ZNF658: variants seen among roughly 807,000 people sequenced by gnomAD.
ZNF658 encodes the protein zinc finger protein 658.
ZNF658 carries 46 observed loss-of-function variants against 78.0 expected under a neutral mutation model. The ratio of observed to expected loss-of-function variants is 0.59; its 90% CI spans 0.47 to 0.75. The LOEUF (loss-of-function observed/expected upper bound fraction) is 0.75. Among genes scored for constraint, ZNF658 ranks in the 30% least tolerant of loss-of-function variants. The pLI is 0.00. For missense variants in ZNF658, 785 were observed against 1,189.3 expected (o/e 0.66, Z 5.00); for synonymous variants, 279 against 408.4 (o/e 0.68, Z 3.82).
Position 66,900,848 on chromosome 9 carries a change from G to A in ZNF658, c.-45+12G>A, listed in dbSNP as rs1452988041. The A allele has an allele frequency of 6.6e-6, 1 of 152,196 alleles. No homozygotes were observed. Among genetic ancestry groups the A allele is most frequent in the African/African-American group, 2.4e-5 (1 of 41,450 alleles). 9.4% of individuals were successfully genotyped at this position (152,196 alleles called of 1,614,324 possible). A position where few individuals can be genotyped will look rare whatever the true frequency, so the allele number is the denominator to read the frequency against. ...GCTGCGCACCTGGGGTGAGAGCGTC[G>A]GTGACAGGGCTCCGCGCGGCCCAGG... On this transcript the variant is annotated intron_variant, in intron 1 of 4. Transcript: ENST00000621410.
In ZNF658 at chr9:66,908,285, G is replaced by A. The variant is rs1232064951; in HGVS notation, c.63G>A (p.Glu21=). ...QDVTVEFTRE[E]WQHLGPVERT... ...TGACTGTGGAATTCACCCGGGAGGA[G>A]TGGCAGCACCTGGGCCCTGTCGAGA... The change falls in exon 3 of 5, where the codon GAG becomes GAA. Residue 21 remains glutamate (E), a synonymous_variant. Transcript: ENST00000621410. 9.9e-6 allele frequency: 16 copies of A among 1,614,104 alleles called. No homozygotes were observed. Among genetic ancestry groups the A allele is most frequent in the Non-Finnish European group, 1.3e-5 (15 of 1,180,012 alleles).
intron 3 of ZNF658, 24 bp from the exon 4 acceptor site, chr9:66,908,615 C>T (rs1822136988): frequency 6.4e-7 from 1 of 1,562,920 alleles, no homozygotes; most frequent in Admixed American, 2.1e-5. Flanking sequence ...TGAATCTGGT[C>T]CATGTCAATT....
intron 2 of ZNF658, among the ~76,000 whole-genome samples, chr9:66,905,169 G>C (rs1253145182): frequency 1.5e-5 from 2 of 131,296 alleles, no homozygotes; most frequent in African/African-American, 5.7e-5. Context: ...TCCACCTTCC[G>C]GGTTCAAGCA....
chr9:66,912,188 A>T (rs1465152461), intron 4 of ZNF658, among the ~76,000 whole-genome samples: 1 of 118,912 alleles, frequency 8.4e-6, no homozygotes, highest in East Asian at 2.1e-4. Flanking sequence ...GACATCTTAG[A>T]TAGATGACAC....
chr9:66,927,171 A>G (rs1822593776), intron 6 of ZNF658, among the ~76,000 whole-genome samples: 1 of 152,032 alleles, frequency 6.6e-6, no homozygotes, highest in Non-Finnish European at 1.5e-5. Flanking sequence ...AGTAGATAAA[A>G]CTAACAATCT....
intron 4 of ZNF658, among the ~76,000 whole-genome samples, chr9:66,911,312 C>T (rs77793194): frequency 0.67 from 37,958 of 57,038 alleles, 14,059 homozygotes; most frequent in East Asian, 0.84. Context: ...TTGGTAAATC[C>T]AGAAATTAAT....
In ZNF658 at chr9:66,918,089, C is replaced by G. The variant is rs767590151; in HGVS notation, c.523C>G (p.Leu175Val). Residue 175 changes from leucine (L) to valine (V), a missense_variant, in exon 5 of 5, where the codon CTT (leucine) becomes GTT (valine). By Grantham distance (32) the Leu-to-Val change is conservative. This residue lies in a region of ZNF658 where 393 missense variants were observed against 400.2 expected (regional missense o/e 0.98). Transcript: ENST00000621410. ...CATGAATGTGTGTGAGAAACTGCAG[C>G]TTGATATTAAGCATGAGAAAGCTCA... ...EYMNVCEKLQ[L>V]DIKHEKAHAE... The G allele has an allele frequency of 1.1e-5, 17 of 1,593,012 alleles. 1 individual carries two copies. The highest frequency in any genetic ancestry group is 1.3e-5 in the Non-Finnish European group (15 of 1,173,154).
rs1587370400 is a variant in ZNF658 at position 66,921,018 on chromosome 9, G to C, written c.*272G>C. 11 of 503,416 alleles carry C rather than the reference G, an allele frequency of 2.2e-5. No individual in the cohort carries two copies. The East Asian group carries it at 3.7e-4, about 17-fold the overall frequency. 31.2% of individuals were successfully genotyped at this position (503,416 alleles called of 1,614,324 possible). On this transcript the variant is annotated 3_prime_UTR_variant, in exon 5 of 5. Transcript: ENST00000621410. Reference sequence around the variant, plus strand: ...TGGAGGTTATTTCTGCAGCAAACTTGGGTCCTGTGTGTTCAAAACCATAGA... The same window carrying C: ...TGGAGGTTATTTCTGCAGCAAACTTCGGTCCTGTGTGTTCAAAACCATAGA...
At chr9:66,915,090 C>T (rs1352999771) in intron 4 of ZNF658, among the ~76,000 whole-genome samples, 1 of 145,340 alleles carries the variant, frequency 6.9e-6, no homozygotes, top group Non-Finnish European at 1.5e-5. Flanking sequence ...CACACACACA[C>T]ACATACACAT....
chr9:66,921,697 A>G (rs1225408565), downstream of ZNF658, among the ~76,000 whole-genome samples: 1 of 151,788 alleles, frequency 6.6e-6, no homozygotes, highest in Non-Finnish European at 1.5e-5. Flanking sequence ...TTGCTGCCTG[A>G]TCCTTCCTCT....
rs1383793379 is a variant in ZNF658 at position 66,919,473 on chromosome 9, G to C, written c.1907G>C (p.Gly636Ala). Residue 636 changes from glycine (G) to alanine (A), a missense_variant, in exon 5 of 5, where the codon GGA (glycine) becomes GCA (alanine). Coordinates refer to ENST00000621410, the MANE Select transcript of ZNF658 (RefSeq NM_033160.7). ...AAACCTTATGAATGTAATGAATGTG[G>C]AAGGTCTTTTGCCCATATTTCTGTT... is the stretch of plus-strand genomic sequence containing the variant. ...GEKPYECNEC[G>A]RSFAHISVLK... 6.4e-7 allele frequency: 1 copy of C among 1,573,452 alleles called. No homozygotes were observed. Among genetic ancestry groups the C allele is most frequent in the African/African-American group, 1.5e-5 (1 of 66,696 alleles).
rs1436216039 is a variant in ZNF658 at position 66,918,304 on chromosome 9, T to A, written c.738T>A (p.Asp246Glu). ...CAGGAGAAAAGTCCTGTAAGGATGA[T>A]GAATTTAGAAAAAACTTTGATAAAA... Reference protein sequence around the residue: ...FLTGEKSCKDDEFRKNFDKIT... With the variant: ...FLTGEKSCKDEEFRKNFDKIT... Residue 246 changes from aspartate to glutamate, a missense_variant, in exon 5 of 5, where the codon GAT (aspartate) becomes GAA (glutamate). Asp to Glu is a conservative substitution (Grantham distance 45). Around this residue, in one of 12 missense-constraint regions of ZNF658, gnomAD observed 393 missense variants for 400.2 expected, o/e 0.98. Coordinates refer to ENST00000621410, the MANE Select transcript of ZNF658 (RefSeq NM_033160.7). The A allele has an allele frequency of 1.2e-6, 2 of 1,613,746 alleles. No homozygotes were observed. The highest frequency in any genetic ancestry group is 2.7e-5 in the African/African-American group (2 of 74,894).
intron 6 of ZNF658, among the ~76,000 whole-genome samples, chr9:66,929,087 C>T (rs576547065): frequency 6.6e-6 from 1 of 152,162 alleles, no homozygotes; most frequent in Non-Finnish European, 1.5e-5. Flanking sequence ...GATAGCTAAA[C>T]TTGCCCAAAA....
downstream of ZNF658, among the ~76,000 whole-genome samples, chr9:66,925,814 G>C (rs1210148932): frequency 6.6e-6 from 1 of 151,362 alleles, no homozygotes; most frequent in Non-Finnish European, 1.5e-5. Context: ...CTATGTCCCT[G>C]ATTAATATAG....
chr9:66,908,777 T>A (rs1822144479), intron 4 of ZNF658, 43 bp downstream of exon 4: 1 of 1,579,392 alleles, frequency 6.3e-7, no homozygotes, highest in Admixed American at 1.9e-5. Context: ...GGGTACTTAG[T>A]CTTTAGAGGG....
intron 4 of ZNF658, among the ~76,000 whole-genome samples, chr9:66,917,359 T>C (rs993015545): frequency 4.7e-5 from 7 of 147,692 alleles, no homozygotes; most frequent in Non-Finnish European, 7.4e-5. Flanking sequence ...AGAGTCTGTC[T>C]GTGTGCATGA....
Position 66,918,093 on chromosome 9 carries a change from A to C in ZNF658, c.527A>C (p.Asp176Ala), listed in dbSNP as rs1043390637. ...AATGTGTGTGAGAAACTGCAGCTTGATATTAAGCATGAGAAAGCTCATGCT... is the reference window on the plus strand; with the variant it reads ...AATGTGTGTGAGAAACTGCAGCTTGCTATTAAGCATGAGAAAGCTCATGCT... The part of the protein sequence containing the change: ...YMNVCEKLQL[D>A]IKHEKAHAEE... Residue 176 changes from aspartate (D) to alanine (A), a missense_variant, in exon 5 of 5, where the codon GAT becomes GCT. By Grantham distance (126) the Asp-to-Ala change is moderately radical. Around this residue, in one of 12 missense-constraint regions of ZNF658, gnomAD observed 393 missense variants for 400.2 expected, o/e 0.98. Coordinates refer to ENST00000621410, the MANE Select transcript of ZNF658 (RefSeq NM_033160.7). 22 of 1,592,078 alleles carry C rather than the reference A, an allele frequency of 1.4e-5. No homozygotes were observed. Among genetic ancestry groups the C allele is most frequent in the Non-Finnish European group, 1.9e-5 (22 of 1,172,820 alleles).
chr9:66,908,631 G>A lies in ZNF658; in HGVS notation c.143-8G>A. The A allele has an allele frequency of 6.4e-7, 1 of 1,556,388 alleles. No homozygotes were observed. The highest frequency in any genetic ancestry group is 2.2e-5 in the East Asian group (1 of 44,522). ...GAATCTGGTCCATGTCAATTATTTT[G>A]TTTACAGGATATTGCATTACTAAAC... is the stretch of plus-strand genomic sequence containing the variant. On this transcript the variant is annotated splice_polypyrimidine_tract_variant and splice_region_variant and intron_variant, in intron 3 of 4. Coordinates refer to ENST00000621410, the MANE Select transcript of ZNF658 (RefSeq NM_033160.7).
At chr9:66,927,426 A>G (rs1186493518) in intron 6 of ZNF658, among the ~76,000 whole-genome samples, 4 of 152,120 alleles carry the variant, frequency 2.6e-5, no homozygotes, top group African/African-American at 9.7e-5. Flanking sequence ...TGCATTTACT[A>G]TGGGAAAAAA....
Sources: gnomAD v4.1 joint callset for allele counts (sites outside exome capture counted in the v4.1 genomes callset) on GRCh38, gnomAD v4.1.1 for gene constraint, gnomAD v4.1.1 regional missense constraint, MANE v1.5 for transcripts, NCBI Gene and HGNC (gene_info 2026-07-23, HGNC 2026-07-21) for gene names.